Variants in CDK11B observed in about 807,000 individuals in gnomAD.
The protein encoded by CDK11B is cyclin dependent kinase 11B, also known as cyclin-dependent kinase 11B.
Under a neutral mutation model 84.0 loss-of-function variants are expected in CDK11B, and 37 were observed. The ratio of observed to expected loss-of-function variants is 0.44; its 90% confidence interval spans 0.34 to 0.58. CDK11B has a LOEUF of 0.58. CDK11B is among the 20% of genes least tolerant of loss of function. The pLI is 0.02. For synonymous variants in CDK11B, 269 were observed against 309.8 expected, an observed-to-expected ratio of 0.87 and a Z score of 1.38; for missense variants, 427 against 834.0, an observed-to-expected ratio of 0.51 and a Z score of 6.01.
At chr1:1,639,426 A>G (rs1027723594) in intron 11 of CDK11B, among the ~76,000 whole-genome samples, 1 of 151,600 alleles carries the variant, frequency 6.6e-6, no homozygotes, top group African/African-American at 2.4e-5. Flanking sequence ...CCAAAAAAAA[A>G]GCCATCCCAA....
chr1:1,654,341 T>C (rs1642434569), intron 3 of CDK11B, among the ~76,000 whole-genome samples: 1 of 152,224 alleles, frequency 6.6e-6, no homozygotes, highest in African/African-American at 2.4e-5. Context: ...CTTGTCTCTA[T>C]TCTAGGCTCT....
At chr1:1,658,866 G>A (rs7547516) in intron 1 of CDK11B, 48 bp downstream of exon 1, 55,822 of 158,110 alleles carry the variant, frequency 0.35, 10,669 homozygotes, top group African/African-American at 0.5. Context: ...ACCTCGGTGC[G>A]CAGTTCTCCT....
At chr1:1,648,043 CCTTTTT>C (rs1421952609) in intron 5 of CDK11B, among the ~76,000 whole-genome samples, 55 of 152,414 alleles carry the variant, frequency 3.6e-4, no homozygotes, top group Non-Finnish European at 5.6e-4. Context: ...TTATCAGTTT[CCTTTTT>C]GTCAGAGACA....
chr1:1,649,131 GCT>G (rs1468021269), intron 5 of CDK11B, among the ~76,000 whole-genome samples: 2 of 151,326 alleles, frequency 1.3e-5, no homozygotes, highest in Non-Finnish European at 2.9e-5. Context: ...ACGGAGTCTC[GCT>G]CTGTCGCCCA....
At chr1:1,640,176 GAGGCGACAGAC>G (rs1192187336) in intron 11 of CDK11B, 90 bp downstream of exon 11, 1 of 1,325,710 alleles carries the variant, frequency 7.5e-7, no homozygotes, top group Non-Finnish European at 1.0e-6. Flanking sequence ...GCAGCCCTGT[GAGGCGACAGAC>G]GCCAACACGG....
At chr1:1,636,630 C>G in intron 17 of CDK11B, 52 bp downstream of exon 17, 4 of 1,611,094 alleles carry the variant, frequency 2.5e-6, no homozygotes, top group Admixed American at 3.3e-5. Context: ...CAGCCCCATT[C>G]CTGCAACTCC....
chr1:1,637,345 G>T (rs950457602), intron 14 of CDK11B, 63 bp downstream of exon 14: 7 of 1,583,540 alleles, frequency 4.4e-6, no homozygotes, highest in African/African-American at 2.7e-5. Flanking sequence ...CACTGTCACC[G>T]CGGGGGTGAC....
At position 1,640,286 on chromosome 1, in the gene CDK11B, C is replaced by G. The variant is rs376847409; in HGVS notation, c.1242G>C (p.Pro414=). Residue 414 remains proline (P), a synonymous_variant, in exon 11 of 20, where the codon CCG becomes CCC. Transcript: ENST00000341832. ...GAGGGGAGGGCCTGACCTGCAGGGC[C>G]GGCAGGTACTTGGGCAGCTCCTGCT... ...ELKQELPKYL[P]ALQGCRSVEE... 6.2e-7 allele frequency: 1 copy of G among 1,613,448 alleles called. No homozygotes were observed. The highest frequency in any genetic ancestry group is 2.2e-5 in the East Asian group (1 of 44,864).
chr1:1,652,419 GA>G lies in CDK11B; in HGVS notation c.355+19del, dbSNP rs1642138191. The G allele has an allele frequency of 3.4e-6, 5 of 1,486,478 alleles. No homozygotes were observed. The highest frequency in any genetic ancestry group is 1.5e-5 in the African/African-American group (1 of 67,884). 92.1% of individuals were successfully genotyped at this position (1,486,478 alleles called of 1,614,324 possible). Reference sequence around the variant, plus strand: ...AACCACACTTGAACATGATGTCAAAGAAAGTAAATGCTTCTGTACCCCCTTC... The same window carrying G: ...AACCACACTTGAACATGATGTCAAAGAAGTAAATGCTTCTGTACCCCCTTC... On this transcript the variant is annotated intron_variant, in intron 4 of 19. Coordinates refer to ENST00000341832, the MANE Select transcript of CDK11B (RefSeq NM_033486.3).
intron 5 of CDK11B, among the ~76,000 whole-genome samples, chr1:1,647,861 A>C (rs1004647577): frequency 4.6e-5 from 7 of 152,212 alleles, no homozygotes; most frequent in African/African-American, 1.7e-4. Context: ...CTTCCAAGGC[A>C]GCAAGGAAAC....
rs150768035 is a variant in CDK11B at position 1,646,528 on chromosome 1, CGTA to C, written c.495-1269_495-1267del. ...CAACAGTGTAATTATTTTATACAAT[CGTA>C]GTTCCAGTAAAACCTAAGATGTGAG... On this transcript the variant is annotated intron_variant, in intron 5 of 19. Transcript: ENST00000341832. 5,043 of 519,000 alleles carry C rather than the reference CGTA, an allele frequency of 9.7e-3. 68 individuals carry two copies. Among genetic ancestry groups the C allele is most frequent in the African/African-American group, 0.085 (4,406 of 51,576 alleles). 32.1% of individuals were successfully genotyped at this position (519,000 alleles called of 1,614,324 possible). A position where few individuals can be genotyped will look rare whatever the true frequency, so the allele number is the denominator to read the frequency against.
chr1:1,649,256 T>A (rs1171726377), intron 5 of CDK11B, among the ~76,000 whole-genome samples: 1 of 152,074 alleles, frequency 6.6e-6, no homozygotes, highest in African/African-American at 2.4e-5. Context: ...CCCGCCACCA[T>A]GCCCAGCTAA....
chr1:1,638,971 C>T (rs1328459940), intron 11 of CDK11B, among the ~76,000 whole-genome samples: 5 of 144,496 alleles, frequency 3.5e-5, no homozygotes, highest in East Asian at 2.0e-4. Flanking sequence ...GACGGAGTCT[C>T]GCTCTGTCAC....
Position 1,639,395 on chromosome 1 carries a change from T to C in CDK11B, c.1252-805A>G, listed in dbSNP as rs191681330. Among the ~76,000 whole-genome samples, 283 of 151,536 alleles carry C rather than the reference T, an allele frequency of 1.9e-3. 6 individuals are homozygous for C. Among genetic ancestry groups the C allele is most frequent in the African/African-American group, 6.4e-3 (265 of 41,212 alleles). On this transcript the variant is annotated intron_variant, in intron 11 of 19. Transcript: ENST00000341832. ...TTAAGCCACTCCACTCCGGCCTGGG[T>C]GACAGAGACAGACCCAGTCTCCAAA...
chr1:1,646,614 C>T (rs1641162788), intron 5 of CDK11B: 1 of 512,894 alleles, frequency 1.9e-6, no homozygotes, highest in Non-Finnish European at 3.9e-6. Flanking sequence ...AGTGCCTGTC[C>T]TTCCTTCCTG....
At chr1:1,650,662 GC>G (rs1484647496) in intron 4 of CDK11B, among the ~76,000 whole-genome samples, 5 of 123,848 alleles carry the variant, frequency 4.0e-5, no homozygotes, top group Non-Finnish European at 8.3e-5. Flanking sequence ...ACCGCGCCCG[GC>G]CTTTTTTTTT....
At chr1:1,656,385 G>A (rs1642749570) in intron 2 of CDK11B, among the ~76,000 whole-genome samples, 1 of 152,180 alleles carries the variant, frequency 6.6e-6, no homozygotes, top group Non-Finnish European at 1.5e-5. Context: ...CAGGTACTCA[G>A]GAGGCTGAGA....
At chr1:1,637,729 A>G (rs763382310) in intron 13 of CDK11B, 33 bp downstream of exon 13, 74 of 1,613,456 alleles carry the variant, frequency 4.6e-5, no homozygotes, top group Non-Finnish European at 6.2e-5. Flanking sequence ...AAAGCCTTCC[A>G]CCCGGGGCCA....
In CDK11B at chr1:1,635,440, C is replaced by T. The variant is rs1398417300; in HGVS notation, c.*324G>A. On this transcript the variant is annotated 3_prime_UTR_variant, in exon 20 of 20. Coordinates refer to ENST00000341832, the MANE Select transcript of CDK11B (RefSeq NM_033486.3). ...AAGATTAAACAATCCACCCGGCTCC[C>T]ACCAGTTCCTTTCCAAATCACGGCC... is the stretch of plus-strand genomic sequence containing the variant. 1 of 170,606 alleles carries T rather than the reference C, an allele frequency of 5.9e-6. No homozygotes were observed. Among genetic ancestry groups the T allele is most frequent in the Non-Finnish European group, 1.0e-5 (1 of 100,226 alleles). The allele number at this position is 170,606 out of a possible 1,614,324, so 10.6% of individuals were successfully genotyped here. A position where few individuals can be genotyped will look rare whatever the true frequency, so the allele number is the denominator to read the frequency against.
Sources: allele counts gnomAD v4.1 joint callset (sites outside exome capture counted in the v4.1 genomes callset), GRCh38; gene constraint gnomAD v4.1.1; transcripts MANE v1.5; gene names NCBI Gene and HGNC (gene_info 2026-07-23, HGNC 2026-07-21).